Variants in SMARCA2 observed in about 807,000 individuals in gnomAD.
The protein encoded by SMARCA2 is SWI/SNF-related matrix-associated actin-dependent regulator of chromatin subfamily A member 2.
SMARCA2 carries 61 observed loss-of-function variants against 199.8 expected under a neutral mutation model. That is an observed-to-expected ratio of 0.31 (90% confidence interval 0.25 to 0.38). The LOEUF is 0.38. Among genes scored for constraint, SMARCA2 ranks in the 10% least tolerant of loss-of-function variants. The pLI is 1.00. For missense variants in SMARCA2, 1,344 were observed against 2,012.2 expected (o/e 0.67, Z 6.35); for synonymous variants, 935 against 732.0 (o/e 1.28, Z -4.48).
chr9:2,114,524 G>A (rs957990490), intron 24 of SMARCA2, among the ~76,000 whole-genome samples: 159 of 152,260 alleles, frequency 1.0e-3, no homozygotes, highest in African/African-American at 3.7e-3. Context: ...ACAGAAAACA[G>A]ACTTTTGCCC....
intron 14 of SMARCA2, among the ~76,000 whole-genome samples, chr9:2,081,414 G>A (rs1161580660): frequency 2.6e-5 from 4 of 152,182 alleles, no homozygotes; most frequent in East Asian, 1.9e-4. Context: ...TCACTGAGGG[G>A]ACCTCACCCA....
intron 27 of SMARCA2, among the ~76,000 whole-genome samples, chr9:2,154,154 A>G (rs1825218609): frequency 6.6e-6 from 1 of 152,220 alleles, no homozygotes; most frequent in South Asian, 2.1e-4. Context: ...AAATGCAGAG[A>G]GTAAGAGTGG....
chr9:2,033,623 A>G (rs1442987809), intron 3 of SMARCA2, among the ~76,000 whole-genome samples: 3 of 152,252 alleles, frequency 2.0e-5, no homozygotes, highest in Non-Finnish European at 4.4e-5. Context: ...TGGGCCTGCC[A>G]TAGCAAATTA....
intron 1 of SMARCA2, among the ~76,000 whole-genome samples, chr9:2,027,989 T>C (rs1818904782): frequency 6.6e-6 from 1 of 152,242 alleles, no homozygotes; most frequent in Non-Finnish European, 1.5e-5. Flanking sequence ...CAAGATGCAG[T>C]TGTACCCACT....
chr9:2,191,436 C>A (rs561535654), intron 33 of SMARCA2, 28 bp downstream of exon 33: 3 of 1,611,920 alleles, frequency 1.9e-6, no homozygotes, highest in Non-Finnish European at 2.5e-6. Context: ...GGACTGAAGG[C>A]GGAGACGCCC....
intron 19 of SMARCA2, among the ~76,000 whole-genome samples, chr9:2,088,954 G>A (rs1172274955): frequency 1.4e-5 from 2 of 147,588 alleles, no homozygotes; most frequent in East Asian, 2.0e-4. Context: ...CTGCTTATAA[G>A]TGAATGGAAG....
chr9:2,119,666 A>G lies in SMARCA2; in HGVS notation c.3762+131A>G, dbSNP rs1412100104. The G allele has an allele frequency of 1.6e-6, 1 of 638,962 alleles. No individual in the cohort carries two copies. The highest frequency in any genetic ancestry group is 2.8e-6 in the Non-Finnish European group (1 of 359,156). The allele number at this position is 638,962 out of a possible 1,614,324, so 39.6% of individuals were successfully genotyped here. On this transcript the variant is annotated intron_variant, in intron 26 of 33. Coordinates refer to ENST00000349721, the MANE Select transcript of SMARCA2 (RefSeq NM_003070.5). The surrounding 1 kb of genome is among the most constrained non-coding windows in gnomAD (Gnocchi z 4.6). Reference sequence around the variant, plus strand: ...AGCCTATGCCTTTCCTTCAGTTCAGAGGCTGCAAACTGGCTGGAGTTAGCC... The same window carrying G: ...AGCCTATGCCTTTCCTTCAGTTCAGGGGCTGCAAACTGGCTGGAGTTAGCC...
intron 27 of SMARCA2, among the ~76,000 whole-genome samples, chr9:2,156,744 T>C (rs537687351): frequency 6.6e-6 from 1 of 152,302 alleles, no homozygotes; most frequent in African/African-American, 2.4e-5. Flanking sequence ...TGTAGCCATT[T>C]CAAGTGTACA....
At chr9:2,188,044 T>TG (rs1356463888) in intron 32 of SMARCA2, among the ~76,000 whole-genome samples, 4 of 152,212 alleles carry the variant, frequency 2.6e-5, no homozygotes, top group Non-Finnish European at 5.9e-5. Flanking sequence ...TTCAAATATA[T>TG]TAAAAGTATA....
At chr9:2,107,644 T>A (rs1474210363) in intron 23 of SMARCA2, among the ~76,000 whole-genome samples, 1 of 152,158 alleles carries the variant, frequency 6.6e-6, no homozygotes, top group African/African-American at 2.4e-5. Flanking sequence ...ACACCAGATA[T>A]ATGGTTGGCC....
chr9:2,093,467 G>A (rs1032377660), intron 19 of SMARCA2, among the ~76,000 whole-genome samples: 1 of 152,188 alleles, frequency 6.6e-6, no homozygotes, highest in African/African-American at 2.4e-5. Context: ...AAGCGTGAGA[G>A]TGGGTTTCCA....
intron 5 of SMARCA2, among the ~76,000 whole-genome samples, chr9:2,054,135 G>A (rs986672855): frequency 3.3e-5 from 5 of 152,172 alleles, no homozygotes; most frequent in African/African-American, 7.2e-5. Context: ...AATGGCTGTC[G>A]TCATCAGCAT....
intron 4 of SMARCA2, chr9:2,042,734 T>G (rs1324128316): frequency 1.3e-5 from 2 of 152,084 alleles, no homozygotes; most frequent in African/African-American, 4.8e-5. Context: ...GGGAATTCAC[T>G]TTATTACTCA....
At chr9:2,044,604 A>G (rs1485890498) in intron 4 of SMARCA2, 2 of 152,164 alleles carry the variant, frequency 1.3e-5, no homozygotes, top group African/African-American at 2.4e-5. Context: ...CCGCTGCCCT[A>G]TGAGGTGGCT....
intron 19 of SMARCA2, among the ~76,000 whole-genome samples, chr9:2,090,897 C>T (rs12349588): frequency 0.08 from 12,070 of 151,648 alleles, 1,479 homozygotes; most frequent in African/African-American, 0.26. Context: ...AATTTCATTG[C>T]CATCCTAGGG....
At position 2,170,412 on chromosome 9, in the gene SMARCA2, A is replaced by G; in HGVS notation, c.4200-7A>G. 6.2e-7 allele frequency: 1 copy of G among 1,614,080 alleles called. No individual in the cohort carries two copies. Among genetic ancestry groups the G allele is most frequent in the Non-Finnish European group, 8.5e-7 (1 of 1,179,996 alleles). On this transcript the variant is annotated splice_polypyrimidine_tract_variant and splice_region_variant and intron_variant, in intron 28 of 33. Transcript: ENST00000349721. This position sits in a 1 kb window ranked among gnomAD's most constrained non-coding sequence, Gnocchi z 4.7. ...CTGACTCTAGTGTTCTTTCTACTCT[A>G]CCGCAGGTGTAACGTGGAGAAGGTG...
At chr9:2,050,445 G>C (rs1820068150) in intron 5 of SMARCA2, among the ~76,000 whole-genome samples, 1 of 151,944 alleles carries the variant, frequency 6.6e-6, no homozygotes, top group Admixed American at 6.6e-5. Flanking sequence ...CATCACATTG[G>C]CATGTAAACT....
Position 2,047,456 on chromosome 9 carries a change from G to C in SMARCA2, c.1018G>C (p.Val340Leu), listed in dbSNP as rs760227940. The part of the protein sequence containing the change: ...PIQKPQGLDP[V>L]EILQEREYRL... The stretch of plus-strand genomic sequence containing the variant: ...CCAGAAACCGCAAGGCCTGGACCCC[G>C]TGGAAATTCTGCAAGAGCGGGAATA... Residue 340 changes from valine (V) to leucine (L), a missense_variant, in exon 5 of 34, where the codon GTG becomes CTG. By Grantham distance (32) the Val-to-Leu change is conservative. Transcript: ENST00000349721. The C allele has an allele frequency of 6.5e-7, 1 of 1,545,110 alleles. No homozygotes were observed. The highest frequency in any genetic ancestry group is 8.7e-7 in the Non-Finnish European group (1 of 1,149,322).
chr9:2,130,710 C>CAT (rs760558742), intron 27 of SMARCA2, among the ~76,000 whole-genome samples: 16 of 151,862 alleles, frequency 1.1e-4, no homozygotes, highest in African/African-American at 2.9e-4. Context: ...TACATACATA[C>CAT]ATATATATAT....
Sources: gnomAD v4.1 joint callset for allele counts (sites outside exome capture counted in the v4.1 genomes callset) on GRCh38, gnomAD v4.1.1 for gene constraint, Gnocchi (gnomAD v3.1) non-coding constraint, MANE v1.5 for transcripts, NCBI Gene and HGNC (gene_info 2026-07-23, HGNC 2026-07-21) for gene names.